Variants in SCLT1 observed in about 807,000 individuals in gnomAD.
SCLT1 encodes the protein sodium channel and clathrin linker 1, also known as sodium channel-associated protein 1.
A neutral mutation model predicts 112.8 loss-of-function variants in SCLT1; 78 were observed. The ratio of observed to expected loss-of-function variants is 0.69; its 90% CI spans 0.58 to 0.83. SCLT1 has a LOEUF of 0.83. Among genes scored for constraint, SCLT1 ranks in the 40% least tolerant of loss-of-function variants. The pLI, the probability that SCLT1 is intolerant of heterozygous loss-of-function variation, is 0.00. For missense variants in SCLT1, 747 were observed against 770.4 expected (o/e 0.97, Z 0.36); for synonymous variants, 257 against 254.7 (o/e 1.01, Z -0.09).
At chr4:129,035,542 G>GA (rs141885852) in intron 5 of SCLT1, among the ~76,000 whole-genome samples, 5 of 147,430 alleles carry the variant, frequency 3.4e-5, no homozygotes, top group African/African-American at 5.0e-5. Flanking sequence ...ATGTATGAAG[G>GA]AAAAAAAAAC....
At chr4:128,911,290 A>G (rs1735077858) in intron 18 of SCLT1, among the ~76,000 whole-genome samples, 1 of 152,184 alleles carries the variant, frequency 6.6e-6, no homozygotes, top group South Asian at 2.1e-4. Flanking sequence ...AAATAGGTAA[A>G]TAAAATAACA....
intron 5 of SCLT1, among the ~76,000 whole-genome samples, chr4:129,026,697 G>A (rs1415883284): frequency 1.3e-5 from 2 of 152,198 alleles, no homozygotes; most frequent in South Asian, 2.1e-4. Context: ...AAATAACTAA[G>A]ATCAGAGCAG....
intron 11 of SCLT1, among the ~76,000 whole-genome samples, chr4:128,963,651 T>C (rs1438263757): frequency 2.0e-5 from 3 of 152,220 alleles, no homozygotes; most frequent in Non-Finnish European, 2.9e-5. Context: ...ATGCTGCATA[T>C]GTCTCCTTTA....
chr4:128,999,888 T>A lies in SCLT1; in HGVS notation c.427-94A>T, dbSNP rs1743324074. ...TTTTCTTTTATAGAATAAGTTCTTA[T>A]AAAGTCATAAAATAAAATAGAACTG... On this transcript the variant is annotated intron_variant, in intron 6 of 20. Coordinates refer to ENST00000281142, the MANE Select transcript of SCLT1 (RefSeq NM_144643.4). 7 of 724,606 alleles carry A rather than the reference T, an allele frequency of 9.7e-6. No homozygotes were observed. The East Asian group carries it at 2.1e-4, about 22-fold the overall frequency. The allele number at this position is 724,606 out of a possible 1,614,324, so 44.9% of individuals were successfully genotyped here.
At chr4:129,021,836 C>T (rs1218416581) in intron 5 of SCLT1, among the ~76,000 whole-genome samples, 1 of 152,248 alleles carries the variant, frequency 6.6e-6, no homozygotes, top group African/African-American at 2.4e-5. Context: ...GACAGACTAT[C>T]TCAAGTGGGT....
chr4:128,967,136 G>C (rs1474888380), intron 10 of SCLT1, among the ~76,000 whole-genome samples: 1 of 152,164 alleles, frequency 6.6e-6, no homozygotes, highest in Non-Finnish European at 1.5e-5. Flanking sequence ...GAGTTAATTT[G>C]CTTAGGATAA....
chr4:129,056,135 A>G (rs890531443), intron 2 of SCLT1, among the ~76,000 whole-genome samples: 1 of 151,886 alleles, frequency 6.6e-6, no homozygotes, highest in Non-Finnish European at 1.5e-5. Flanking sequence ...ACCAGTCCCA[A>G]TGAGATGAAC....
chr4:129,040,951 C>T (rs930886355), intron 4 of SCLT1, among the ~76,000 whole-genome samples: 7 of 151,986 alleles, frequency 4.6e-5, no homozygotes, highest in South Asian at 2.1e-4. Context: ...CAACCTTTGG[C>T]GGTAAAGAAT....
intron 15 of SCLT1, among the ~76,000 whole-genome samples, chr4:128,946,630 A>C (rs1249986817): frequency 6.6e-6 from 1 of 152,234 alleles, no homozygotes; most frequent in Non-Finnish European, 1.5e-5. Flanking sequence ...CTATGCAATA[A>C]TACAAAAATG....
chr4:128,972,210 G>A (rs1335779540), intron 9 of SCLT1: 1 of 151,652 alleles, frequency 6.6e-6, no homozygotes, highest in Non-Finnish European at 1.5e-5. Flanking sequence ...TATTTTTAAA[G>A]GAAAAACTTA....
At chr4:128,914,670 C>A (rs1032302083) in intron 18 of SCLT1, among the ~76,000 whole-genome samples, 1 of 152,024 alleles carries the variant, frequency 6.6e-6, no homozygotes, top group Non-Finnish European at 1.5e-5. Context: ...TGAAAGCTGA[C>A]TATAGAGGTG....
chr4:129,073,451 A>C (rs1380356899), intron 2 of SCLT1, among the ~76,000 whole-genome samples: 1 of 152,124 alleles, frequency 6.6e-6, no homozygotes. Flanking sequence ...AAATCTTATA[A>C]ATTCTTATGA....
chr4:128,945,120 A>G (rs1738033832), intron 16 of SCLT1, among the ~76,000 whole-genome samples: 1 of 152,200 alleles, frequency 6.6e-6, no homozygotes, highest in Non-Finnish European at 1.5e-5. Flanking sequence ...GAAGACTTCG[A>G]TATCTCCTTT....
intron 5 of SCLT1, chr4:128,873,285 A>G (rs1732341435): frequency 6.6e-6 from 1 of 151,462 alleles, no homozygotes; most frequent in Admixed American, 6.6e-5. Context: ...AAAAAAGAAA[A>G]AAAAAAGAAA....
At chr4:128,990,745 T>C (rs930549008) in intron 9 of SCLT1, among the ~76,000 whole-genome samples, 12 of 150,778 alleles carry the variant, frequency 8.0e-5, no homozygotes, top group African/African-American at 2.9e-4. Flanking sequence ...AGTTGCCACA[T>C]ACAAGATCAA....
At chr4:128,885,550 G>A (rs79243508) in intron 20 of SCLT1, among the ~76,000 whole-genome samples, 3,418 of 152,194 alleles carry the variant, frequency 0.022, 113 homozygotes, top group African/African-American at 0.074. Context: ...GTTCCTCTGT[G>A]TGAATACTCC....
intron 18 of SCLT1, among the ~76,000 whole-genome samples, chr4:128,898,557 C>T (rs1458559500): frequency 6.6e-6 from 1 of 151,920 alleles, no homozygotes; most frequent in Non-Finnish European, 1.5e-5. Context: ...ACTAAATGCC[C>T]ACAAGAGAAA....
chr4:128,918,558 A>C (rs1365986781), intron 18 of SCLT1, among the ~76,000 whole-genome samples: 2 of 152,168 alleles, frequency 1.3e-5, no homozygotes, highest in Non-Finnish European at 2.9e-5. Flanking sequence ...CAAATGTATG[A>C]TCTAGGATCA....
rs771005429 is a variant in SCLT1 at position 128,957,064 on chromosome 4, G to C, written c.1108C>G (p.Arg370Gly). 2.5e-6 allele frequency: 4 copies of C among 1,599,740 alleles called. No homozygotes were observed. The South Asian group carries it at 4.5e-5, about 18-fold the overall frequency. The change falls in exon 13 of 21, where the codon CGG becomes GGG. Residue 370 changes from arginine (R) to glycine (G), a missense_variant. Physicochemically the swap from Arg to Gly is moderately radical, Grantham distance 125. This residue lies in a region of SCLT1 where 723 missense variants were observed against 721.3 expected (regional missense o/e 1.00). Transcript: ENST00000281142. ...CTTATGGTAGCATCTTGTACAAACCGAGAAACTGTCTCTTTCATTTTCTCT... is the reference window on the plus strand; with the variant it reads ...CTTATGGTAGCATCTTGTACAAACCCAGAAACTGTCTCTTTCATTTTCTCT... ...DIEKMKETVSRFVQDATIRTK... is the reference protein window; with the variant it reads ...DIEKMKETVSGFVQDATIRTK...
Sources: gnomAD v4.1 joint callset for allele counts (sites outside exome capture counted in the v4.1 genomes callset) on GRCh38, gnomAD v4.1.1 for gene constraint, gnomAD v4.1.1 regional missense constraint, MANE v1.5 for transcripts, NCBI Gene and HGNC (gene_info 2026-07-23, HGNC 2026-07-21) for gene names.